EAF2: variants seen among roughly 807,000 people sequenced by gnomAD.
EAF2 encodes the protein ELL associated factor 2, also known as ELL-associated factor 2.
In EAF2, 29 loss-of-function variants were observed where a neutral mutation model predicts 29.4. That is an observed-to-expected ratio of 0.99 (90% confidence interval 0.73 to 1.35). The LOEUF is 1.35. Ranked by LOEUF, EAF2 falls within the 40% of genes most tolerant of loss-of-function variation. The probability of loss-of-function intolerance (pLI) is 0.00; values close to 1 mark genes in which losing one functional copy is unlikely to be tolerated. For missense variants in EAF2, 292 were observed against 312.0 expected (o/e 0.94, Z 0.48); for synonymous variants, 103 against 102.5 (o/e 1.00, Z -0.03).
In EAF2 at chr3:121,886,426, G is replaced by A. The variant is rs370035902; in HGVS notation, c.*38G>A. 2 of 1,236,114 alleles carry A rather than the reference G, an allele frequency of 1.6e-6. No individual in the cohort carries two copies. The highest frequency in any genetic ancestry group is 2.2e-6 in the Non-Finnish European group (2 of 921,324). 76.6% of individuals were successfully genotyped at this position (1,236,114 alleles called of 1,614,324 possible). ...CTATAAATAAAAATTTATACAGCATGTATAATTTATTTTGTATTAACAATA... is the reference window on the plus strand; with the variant it reads ...CTATAAATAAAAATTTATACAGCATATATAATTTATTTTGTATTAACAATA... On this transcript the variant is annotated 3_prime_UTR_variant, in exon 6 of 6. Coordinates refer to ENST00000273668, the MANE Select transcript of EAF2 (RefSeq NM_018456.6).
chr3:121,842,356 A>G (rs752194894), intron 1 of EAF2, among the ~76,000 whole-genome samples: 7 of 152,210 alleles, frequency 4.6e-5, no homozygotes, highest in Admixed American at 6.5e-5. Flanking sequence ...TTTTAGATTC[A>G]TAAATGGTAT....
chr3:121,872,163 CATTAT>C (rs1166681694), intron 4 of EAF2, among the ~76,000 whole-genome samples: 2 of 151,898 alleles, frequency 1.3e-5, no homozygotes, highest in Non-Finnish European at 1.5e-5. Flanking sequence ...TACATTATCA[CATTAT>C]ATTATATGTA....
chr3:121,869,038 T>G (rs934609650), intron 4 of EAF2, among the ~76,000 whole-genome samples: 4 of 152,164 alleles, frequency 2.6e-5, no homozygotes, highest in African/African-American at 9.7e-5. Flanking sequence ...CCATAATGGA[T>G]TCAAACTAAA....
intron 1 of EAF2, chr3:121,837,876 G>C (rs1708333463): frequency 6.6e-6 from 1 of 152,150 alleles, no homozygotes; most frequent in African/African-American, 2.4e-5. Context: ...TTCAATAACA[G>C]GACCTACTAG....
At chr3:121,852,644 A>C (rs1398337930) in intron 2 of EAF2, among the ~76,000 whole-genome samples, 1 of 152,118 alleles carries the variant, frequency 6.6e-6, no homozygotes, top group Non-Finnish European at 1.5e-5. Context: ...ATTTTCAATT[A>C]CCTAATTTAT....
chr3:121,866,440 T>A (rs1258345798), intron 4 of EAF2, among the ~76,000 whole-genome samples: 1 of 152,096 alleles, frequency 6.6e-6, no homozygotes. Flanking sequence ...AAATTACCTG[T>A]CCTGGCTGGG....
chr3:121,879,484 T>A (rs1227341688), intron 5 of EAF2, among the ~76,000 whole-genome samples: 2 of 152,118 alleles, frequency 1.3e-5, no homozygotes, highest in Non-Finnish European at 2.9e-5. Flanking sequence ...TTAGAATGTT[T>A]CCCCAATGTT....
In EAF2 at chr3:121,854,739, A is replaced by G; in HGVS notation, c.254A>G (p.Lys85Arg). 1 of 1,568,012 alleles carries G rather than the reference A, an allele frequency of 6.4e-7. No individual in the cohort carries two copies. Among genetic ancestry groups the G allele is most frequent in the Middle Eastern group, 1.7e-4 (1 of 5,902 alleles). The change falls in exon 3 of 6, where the codon AAA (lysine) becomes AGA (arginine). Residue 85 changes from lysine (K) to arginine (R), a missense_variant. By Grantham distance (26) the Lys-to-Arg change is conservative (BLOSUM62 2). Transcript: ENST00000273668. ...AAAGGTTCAAAAAAACCTTACTTAA[A>G]AGAATGCATTTTGATTATTAACCAT... ...VFKGSKKPYL[K>R]ECILIINHDT...
At chr3:121,846,992 C>A (rs1708540595) in intron 2 of EAF2, among the ~76,000 whole-genome samples, 1 of 152,146 alleles carries the variant, frequency 6.6e-6, no homozygotes, top group South Asian at 2.1e-4. Flanking sequence ...GTAAAGAAAT[C>A]ATTTGGGAAA....
intron 4 of EAF2, among the ~76,000 whole-genome samples, chr3:121,868,535 T>A (rs1293372963): frequency 1.3e-5 from 2 of 151,936 alleles, no homozygotes; most frequent in Non-Finnish European, 2.9e-5. Context: ...GAGGCGGAGG[T>A]TGCAGTGAGC....
In EAF2 at chr3:121,886,372, G is replaced by A. The variant is rs139737449; in HGVS notation, c.767G>A (p.Ser256Asn). The A allele has an allele frequency of 2.6e-3, 3,923 of 1,483,408 alleles. 13 individuals are homozygous for A. The highest frequency in any genetic ancestry group is 3.2e-3 in the Non-Finnish European group (3,574 of 1,110,454). The allele number at this position is 1,483,408 out of a possible 1,614,324, so 91.9% of individuals were successfully genotyped here. The change falls in exon 6 of 6, where the codon AGT (serine) becomes AAT (asparagine). Residue 256 changes from serine to asparagine, a missense_variant. Ser to Asn is a conservative substitution (Grantham distance 46). Coordinates refer to ENST00000273668, the MANE Select transcript of EAF2 (RefSeq NM_018456.6). ...RNDLQLSESG[S>N]DSDD ...GATTTGCAGCTGAGTGAATCAGGAA[G>A]TGACAGTGATGACTGAAGAAATATT... is the stretch of plus-strand genomic sequence containing the variant.
chr3:121,850,843 G>A (rs966276079), intron 2 of EAF2, among the ~76,000 whole-genome samples: 4 of 151,574 alleles, frequency 2.6e-5, no homozygotes, highest in Non-Finnish European at 5.9e-5. Flanking sequence ...ATTACAGGCA[G>A]TGCCCGCCAC....
At chr3:121,842,052 CA>C (rs1708444677) in intron 1 of EAF2, among the ~76,000 whole-genome samples, 1 of 151,380 alleles carries the variant, frequency 6.6e-6, no homozygotes, top group South Asian at 2.1e-4. Context: ...GGTGTGGTGT[CA>C]TGTGCCTGTA....
intron 1 of EAF2, among the ~76,000 whole-genome samples, chr3:121,835,822 G>A (rs952933542): frequency 2.6e-5 from 4 of 152,156 alleles, no homozygotes; most frequent in African/African-American, 4.8e-5. Flanking sequence ...TCTCACCTCT[G>A]GCAGATGAGG....
At position 121,872,627 on chromosome 3, in the gene EAF2, A is replaced by C. The variant is rs781456291; in HGVS notation, c.575A>C (p.Asp192Ala). 6 of 1,612,968 alleles carry C rather than the reference A, an allele frequency of 3.7e-6. No individual in the cohort carries two copies. In the Admixed American group the frequency reaches 8.3e-5, roughly 22 times the overall value. ...AGTTCATCATCTTCAAGTAGTGAGG[A>C]TAGTTCTAGTGACTCAGAAGATGAA... Reference protein sequence around the residue: ...SKSSSSSSSEDSSSDSEDEDC... With the variant: ...SKSSSSSSSEASSSDSEDEDC... Residue 192 changes from aspartate (D) to alanine (A), a missense_variant, in exon 5 of 6, where the codon GAT (aspartate) becomes GCT (alanine). By Grantham distance (126) the Asp-to-Ala change is moderately radical. Transcript: ENST00000273668.
At chr3:121,881,359 A>G (rs1709188030) in intron 5 of EAF2, among the ~76,000 whole-genome samples, 2 of 151,578 alleles carry the variant, frequency 1.3e-5, no homozygotes, top group South Asian at 4.2e-4. Context: ...TTGATGGGAG[A>G]CTTTTTATTA....
intron 5 of EAF2, among the ~76,000 whole-genome samples, chr3:121,885,744 A>G (rs2107554549): frequency 6.6e-6 from 1 of 152,270 alleles, no homozygotes; most frequent in South Asian, 2.1e-4. Flanking sequence ...AAAGGCCTTC[A>G]AAACTACCCT....
intron 4 of EAF2, among the ~76,000 whole-genome samples, chr3:121,871,978 C>A (rs1339028928): frequency 6.6e-6 from 1 of 151,762 alleles, no homozygotes; most frequent in African/African-American, 2.4e-5. Flanking sequence ...AAGAAGACAT[C>A]ATTATTATTC....
chr3:121,840,906 G>A (rs1433212477), intron 1 of EAF2, among the ~76,000 whole-genome samples: 1 of 151,376 alleles, frequency 6.6e-6, no homozygotes, highest in Admixed American at 6.6e-5. Flanking sequence ...AGAAGAAATT[G>A]AGATTCTGGG....
Sources: allele counts gnomAD v4.1 joint callset (sites outside exome capture counted in the v4.1 genomes callset), GRCh38; gene constraint gnomAD v4.1.1; transcripts MANE v1.5; gene names NCBI Gene and HGNC (gene_info 2026-07-23, HGNC 2026-07-21).